UBE2D4: variants seen among roughly 807,000 people sequenced by gnomAD.
UBE2D4 encodes ubiquitin conjugating enzyme E2 D4.
In UBE2D4, 17 loss-of-function variants were observed where a neutral mutation model predicts 23.0. That is an observed-to-expected ratio of 0.74 (90% CI 0.51 to 1.11). The LOEUF (loss-of-function observed/expected upper bound fraction) is 1.11. Among genes scored for constraint, UBE2D4 ranks in the 50% least tolerant of loss-of-function variants. UBE2D4 has a pLI of 0.00. For missense variants in UBE2D4, 139 were observed against 181.8 expected (o/e 0.76, Z 1.35); for synonymous variants, 61 against 69.4 (o/e 0.88, Z 0.60).
At chr7:43,950,473 G>T in intron 5 of UBE2D4, 126 bp from the exon 6 acceptor site, 1 of 716,376 alleles carries the variant, frequency 1.4e-6, no homozygotes. Flanking sequence ...AAGCAATTTA[G>T]ATTGGGCTGT....
At chr7:43,930,002 C>G (rs548330693) in intron 1 of UBE2D4, among the ~76,000 whole-genome samples, 9 of 152,200 alleles carry the variant, frequency 5.9e-5, no homozygotes, top group Non-Finnish European at 1.3e-4. Context: ...TCCCCCTCTC[C>G]TGGTCTGTTC....
intron 2 of UBE2D4, among the ~76,000 whole-genome samples, chr7:43,939,425 C>T (rs1301190207): frequency 6.6e-6 from 1 of 152,246 alleles, no homozygotes; most frequent in Non-Finnish European, 1.5e-5. Flanking sequence ...GTTTCCAGGT[C>T]TGTCCTCTGC....
intron 1 of UBE2D4, among the ~76,000 whole-genome samples, chr7:43,934,354 G>T (rs1180881975): frequency 2.0e-5 from 3 of 152,040 alleles, no homozygotes; most frequent in African/African-American, 7.2e-5. Flanking sequence ...CACAGAGGAT[G>T]ATATTGTGTA....
chr7:43,926,487 CAG>C lies in UBE2D4; in HGVS notation c.-45_-44del. The C allele has an allele frequency of 6.9e-7, 1 of 1,459,682 alleles. No individual in the cohort carries two copies. Among genetic ancestry groups the C allele is most frequent in the Non-Finnish European group, 9.1e-7 (1 of 1,100,358 alleles). 90.4% of individuals were successfully genotyped at this position (1,459,682 alleles called of 1,614,324 possible). Reference sequence around the variant, plus strand: ...CGGCTGAGCCGGCAGCGGGCCGCCTCAGGCAGCCCCGGCCGGGCCGCCCGGGT... The same window carrying C: ...CGGCTGAGCCGGCAGCGGGCCGCCTCGCAGCCCCGGCCGGGCCGCCCGGGT... On this transcript the variant is annotated 5_prime_UTR_variant, in exon 1 of 7. Coordinates refer to ENST00000222402, the MANE Select transcript of UBE2D4 (RefSeq NM_015983.4).
At chr7:43,934,952 TACTCA>T (rs1359701730) in intron 1 of UBE2D4, among the ~76,000 whole-genome samples, 1 of 151,974 alleles carries the variant, frequency 6.6e-6, no homozygotes. Context: ...GTATTTTAGG[TACTCA>T]ACTCAGGGAA....
At chr7:43,952,395 C>T (rs1471386716) in intron 6 of UBE2D4, 1 of 403,530 alleles carries the variant, frequency 2.5e-6, no homozygotes, top group East Asian at 4.2e-5. Context: ...ATTATTAAAT[C>T]TTCCACAGCA....
intron 1 of UBE2D4, 89 bp downstream of exon 1, chr7:43,926,645 G>A (rs1003433692): frequency 7.3e-7 from 1 of 1,372,790 alleles, no homozygotes; most frequent in Non-Finnish European, 9.7e-7. Flanking sequence ...AAAGGTGACG[G>A]AGGCTCCGCG....
chr7:43,953,022 G>A lies in UBE2D4; in HGVS notation c.*327G>A, dbSNP rs1027950360. On this transcript the variant is annotated 3_prime_UTR_variant, in exon 7 of 7. Coordinates refer to ENST00000222402, the MANE Select transcript of UBE2D4 (RefSeq NM_015983.4). The stretch of plus-strand genomic sequence containing the variant: ...CAGGCCCTGCACGTCTCTCCTACCC[G>A]GCCTCAAATGGTGCTGCTGCCCATG... 5 of 408,680 alleles carry A rather than the reference G, an allele frequency of 1.2e-5. No homozygotes were observed. The highest frequency in any genetic ancestry group is 1.9e-5 in the Non-Finnish European group (4 of 206,764). 25.3% of individuals were successfully genotyped at this position (408,680 alleles called of 1,614,324 possible).
At chr7:43,940,480 C>G (rs1287056955) in intron 2 of UBE2D4, among the ~76,000 whole-genome samples, 1 of 152,178 alleles carries the variant, frequency 6.6e-6, no homozygotes, top group Non-Finnish European at 1.5e-5. Flanking sequence ...CAGCTCAGCT[C>G]AAATTTACCT....
intron 1 of UBE2D4, among the ~76,000 whole-genome samples, chr7:43,936,375 C>G (rs1466953964): frequency 1.3e-5 from 2 of 152,084 alleles, no homozygotes; most frequent in African/African-American, 4.8e-5. Flanking sequence ...TTCTCTACTA[C>G]TATTCAATAC....
Position 43,953,501 on chromosome 7 carries a change from C to G in UBE2D4, c.*806C>G. 1 of 253,174 alleles carries G rather than the reference C, an allele frequency of 3.9e-6. No individual in the cohort carries two copies. 15.7% of individuals were successfully genotyped at this position (253,174 alleles called of 1,614,324 possible). A position where few individuals can be genotyped will look rare whatever the true frequency, so the allele number is the denominator to read the frequency against. ...AGTCCAAGTGTGAGCCATTCACAGA[C>G]TAGAACACAAGGAGGGAGAGAGACT... On this transcript the variant is annotated 3_prime_UTR_variant, in exon 7 of 7. Coordinates refer to ENST00000222402, the MANE Select transcript of UBE2D4 (RefSeq NM_015983.4).
At chr7:43,943,620 G>A (rs1174475048) in intron 4 of UBE2D4, 1 of 156,344 alleles carries the variant, frequency 6.4e-6, no homozygotes, top group Non-Finnish European at 1.4e-5. Context: ...TCTTTATTAA[G>A]TTAAAAGAAT....
intron 4 of UBE2D4, among the ~76,000 whole-genome samples, chr7:43,946,928 G>A (rs1300680872): frequency 2.0e-5 from 3 of 151,212 alleles, no homozygotes; most frequent in Non-Finnish European, 4.4e-5. Flanking sequence ...TGTGCACAAC[G>A]TGCAGGTTTG....
intron 6 of UBE2D4, 76 bp from the exon 7 acceptor site, chr7:43,952,574 C>A: frequency 1.5e-6 from 2 of 1,303,996 alleles, no homozygotes; most frequent in South Asian, 2.4e-5. Context: ...CCACATCAGT[C>A]CTGTTCTCTG....
chr7:43,936,945 G>C (rs1037443379), intron 1 of UBE2D4, among the ~76,000 whole-genome samples: 1 of 152,164 alleles, frequency 6.6e-6, no homozygotes, highest in African/African-American at 2.4e-5. Flanking sequence ...GAGTGGACTA[G>C]TTTCTTTCAA....
intron 1 of UBE2D4, among the ~76,000 whole-genome samples, chr7:43,929,147 G>A (rs932395438): frequency 2.6e-5 from 4 of 152,050 alleles, no homozygotes; most frequent in Admixed American, 6.6e-5. Context: ...AAAAATGGCC[G>A]GGTGAGGTGG....
At chr7:43,928,688 T>G (rs574552673) in intron 1 of UBE2D4, among the ~76,000 whole-genome samples, 1 of 152,198 alleles carries the variant, frequency 6.6e-6, no homozygotes. Flanking sequence ...TGGACCACAT[T>G]GCAGAAGTGG....
chr7:43,934,047 A>G (rs1277311527), intron 1 of UBE2D4, among the ~76,000 whole-genome samples: 2 of 152,252 alleles, frequency 1.3e-5, no homozygotes, highest in African/African-American at 4.8e-5. Context: ...ACACAGGCAC[A>G]GAAACAGGAC....
chr7:43,952,452 CACCCAGCTGGGGGTTT>C, intron 6 of UBE2D4, 182 bp from the exon 7 acceptor site: 1 of 559,120 alleles, frequency 1.8e-6, no homozygotes, highest in Non-Finnish European at 3.2e-6. Flanking sequence ...ATGAGGGGTT[CACCCAGCTGGGGGTTT>C]ACAGCCATGT....
Sources: gnomAD v4.1 joint callset for allele counts (sites outside exome capture counted in the v4.1 genomes callset) on GRCh38, gnomAD v4.1.1 for gene constraint, MANE v1.5 for transcripts, NCBI Gene and HGNC (gene_info 2026-07-23, HGNC 2026-07-21) for gene names.